IQCB1: variants seen among roughly 807,000 people sequenced by gnomAD.
The protein encoded by IQCB1 is IQ motif containing B1.
Under a neutral mutation model 84.4 loss-of-function variants are expected in IQCB1, and 56 were observed. The observed-to-expected ratio is 0.66, with a 90% confidence interval of 0.54 to 0.83. The LOEUF (loss-of-function observed/expected upper bound fraction) is 0.83, where lower values mean the gene tolerates loss of function less well. Among genes scored for constraint, IQCB1 ranks in the 40% least tolerant of loss-of-function variants. IQCB1 has a pLI of 0.00. For synonymous variants in IQCB1, 210 were observed against 234.8 expected, an observed-to-expected ratio of 0.89 and a Z score of 0.96; for missense variants, 629 against 682.1, an observed-to-expected ratio of 0.92 and a Z score of 0.87.
intron 5 of IQCB1, among the ~76,000 whole-genome samples, chr3:121,810,572 TACATA>T (rs1489267667): frequency 6.6e-6 from 1 of 151,504 alleles, no homozygotes; most frequent in East Asian, 1.9e-4. Flanking sequence ...AATATACAAA[TACATA>T]ACATATTAAT....
intron 5 of IQCB1, among the ~76,000 whole-genome samples, chr3:121,813,045 A>G (rs1949891863): frequency 6.6e-6 from 1 of 152,224 alleles, no homozygotes; most frequent in South Asian, 2.1e-4. Context: ...TACAAAGGGA[A>G]GCCCATCAGA....
intron 12 of IQCB1, among the ~76,000 whole-genome samples, chr3:121,782,734 A>C (rs1454107376): frequency 6.6e-6 from 1 of 151,786 alleles, no homozygotes; most frequent in Non-Finnish European, 1.5e-5. Context: ...GCTGGAGTGC[A>C]GTGGCACAAT....
chr3:121,822,327 T>C (rs979135523), intron 5 of IQCB1, among the ~76,000 whole-genome samples: 1 of 152,168 alleles, frequency 6.6e-6, no homozygotes, highest in Non-Finnish European at 1.5e-5. Context: ...CTGACTAATA[T>C]GCCTGGCTTT....
intron 12 of IQCB1, among the ~76,000 whole-genome samples, chr3:121,787,766 T>C (rs1172312913): frequency 6.9e-6 from 1 of 144,398 alleles, no homozygotes; most frequent in Admixed American, 6.9e-5. Flanking sequence ...AAAAAAAAAA[T>C]ACAATTCTAC....
chr3:121,788,763 G>A (rs1948838090), intron 11 of IQCB1, among the ~76,000 whole-genome samples: 1 of 151,498 alleles, frequency 6.6e-6, no homozygotes. Context: ...CCACCAGAGG[G>A]AAAGGGCAAA....
Position 121,786,641 on chromosome 3 carries a change from T to C in IQCB1, c.1278+1643A>G, listed in dbSNP as rs566200348. On this transcript the variant is annotated intron_variant, in intron 12 of 14. Coordinates refer to ENST00000310864, the MANE Select transcript of IQCB1 (RefSeq NM_001023570.4). ...CTTTTTGCTCTTAAACAGAGACTCA[T>C]TCCTTTTCTTAGCTAGAGGAGATAT... Among the ~76,000 whole-genome samples the C allele has an allele frequency of 2.0e-5, 3 of 152,368 alleles. No homozygotes were observed. The East Asian group carries it at 5.8e-4, about 29-fold the overall frequency.
chr3:121,804,206 C>T (rs925395562), intron 7 of IQCB1, among the ~76,000 whole-genome samples: 10 of 152,122 alleles, frequency 6.6e-5, no homozygotes, highest in Non-Finnish European at 8.8e-5. Context: ...CAGTATACTT[C>T]CATTTATCTC....
chr3:121,782,428 T>C (rs968295471), intron 12 of IQCB1, among the ~76,000 whole-genome samples: 1 of 152,268 alleles, frequency 6.6e-6, no homozygotes, highest in African/African-American at 2.4e-5. Context: ...CAAAGTTACA[T>C]GTTCACATTG....
intron 13 of IQCB1, 105 bp downstream of exon 13, chr3:121,781,637 AC>A: frequency 2.0e-6 from 1 of 508,608 alleles, no homozygotes; most frequent in Non-Finnish European, 2.9e-6. Context: ...AAATGTACAC[AC>A]ACACACACAC....
At chr3:121,804,846 A>G (rs1017467805) in intron 7 of IQCB1, among the ~76,000 whole-genome samples, 1 of 152,030 alleles carries the variant, frequency 6.6e-6, no homozygotes, top group Non-Finnish European at 1.5e-5. Flanking sequence ...GATTACACTT[A>G]TGTAAGGTTG....
chr3:121,792,097 A>G (rs767753134), intron 10 of IQCB1, among the ~76,000 whole-genome samples: 4 of 152,178 alleles, frequency 2.6e-5, no homozygotes, highest in Admixed American at 6.5e-5. Context: ...AAACAACAAC[A>G]ACGACAAAAA....
At chr3:121,774,347 C>T (rs1165284968) in intron 13 of IQCB1, among the ~76,000 whole-genome samples, 1 of 152,164 alleles carries the variant, frequency 6.6e-6, no homozygotes, top group Non-Finnish European at 1.5e-5. Flanking sequence ...TAAAATGGTA[C>T]AGCCACTATG....
At chr3:121,781,418 T>C (rs2108524442) in intron 13 of IQCB1, among the ~76,000 whole-genome samples, 1 of 152,336 alleles carries the variant, frequency 6.6e-6, no homozygotes, top group Non-Finnish European at 1.5e-5. Flanking sequence ...CAGTTACATA[T>C]ACTCTTTCTG....
intron 13 of IQCB1, among the ~76,000 whole-genome samples, chr3:121,776,289 T>C (rs984719296): frequency 1.3e-5 from 2 of 152,190 alleles, no homozygotes; most frequent in Non-Finnish European, 2.9e-5. Context: ...TGGTACTCCA[T>C]GGTTCTAGTT....
intron 7 of IQCB1, among the ~76,000 whole-genome samples, chr3:121,805,911 CTCTGAGCTCTA>C (rs1949586142): frequency 6.6e-6 from 1 of 152,112 alleles, no homozygotes; most frequent in Admixed American, 6.6e-5. Context: ...TCTCTCCAGA[CTCTGAGCTCTA>C]TCACTTCAAC....
chr3:121,797,824 A>C (rs1454127250), intron 8 of IQCB1, among the ~76,000 whole-genome samples: 3 of 152,056 alleles, frequency 2.0e-5, no homozygotes, highest in Admixed American at 6.6e-5. Flanking sequence ...TGAAAGGTAC[A>C]AAGTAAGTAC....
In IQCB1 at chr3:121,788,352, T is replaced by C. The variant is rs1354344876; in HGVS notation, c.1210A>G (p.Arg404Gly). 1.2e-6 allele frequency: 2 copies of C among 1,613,818 alleles called. No individual in the cohort carries two copies. The highest frequency in any genetic ancestry group is 2.7e-5 in the African/African-American group (2 of 74,902). ...IQKHWRGYRE[R>G]KNFHQQRQSL... ...TGCCTCTGTTGGTGAAAATTTTTCC[T>C]TTCCCTGTACCCTCTCCAATGTTTC... Residue 404 changes from arginine to glycine, a missense_variant, in exon 12 of 15, where the codon AGG (arginine) becomes GGG (glycine). Physicochemically the swap from Arg to Gly is moderately radical, Grantham distance 125 (BLOSUM62 -2). Transcript: ENST00000310864.
At chr3:121,811,721 A>T (rs1209445401) in intron 5 of IQCB1, among the ~76,000 whole-genome samples, 1 of 152,112 alleles carries the variant, frequency 6.6e-6, no homozygotes, top group Non-Finnish European at 1.5e-5. Flanking sequence ...GCCTCTCTAG[A>T]TTCCTCCTCA....
chr3:121,810,098 T>C (rs1007458313), intron 5 of IQCB1, among the ~76,000 whole-genome samples: 1 of 152,146 alleles, frequency 6.6e-6, no homozygotes, highest in Non-Finnish European at 1.5e-5. Context: ...GATAGTGTTG[T>C]ACTCTTAGAC....
Sources: allele counts gnomAD v4.1 joint callset (sites outside exome capture counted in the v4.1 genomes callset), GRCh38; gene constraint gnomAD v4.1.1; transcripts MANE v1.5; gene names NCBI Gene and HGNC (gene_info 2026-07-23, HGNC 2026-07-21).